The following SHANK2 variants were observed in gnomAD, a reference collection of about 807,000 sequenced individuals.
SHANK2 encodes the protein SH3 and multiple ankyrin repeat domains protein 2.
SHANK2 carries 43 observed loss-of-function variants against 133.7 expected under a neutral mutation model. That is an observed-to-expected ratio of 0.32 (90% CI 0.25 to 0.41). SHANK2 has a LOEUF of 0.41. Ranked by LOEUF, SHANK2 falls within the 10% of genes least tolerant of loss-of-function variation. The pLI, the probability that SHANK2 is intolerant of heterozygous loss-of-function variation, is 1.00. For missense variants in SHANK2, 1,994 were observed against 2,235.8 expected, an observed-to-expected ratio of 0.89 and a Z score of 2.18; for synonymous variants, 1,017 against 952.8, an observed-to-expected ratio of 1.07 and a Z score of -1.24.
At chr11:70,913,297 C>G (rs1443545717) in intron 10 of SHANK2, among the ~76,000 whole-genome samples, 2 of 145,426 alleles carry the variant, frequency 1.4e-5, no homozygotes, top group Admixed American at 6.6e-5. Context: ...ACAACTTGGA[C>G]CCTTCAGGGA....
chr11:70,799,137 C>A (rs1279978496), intron 13 of SHANK2, among the ~76,000 whole-genome samples: 2 of 151,858 alleles, frequency 1.3e-5, no homozygotes, highest in Non-Finnish European at 2.9e-5. Flanking sequence ...GTGGCTCATG[C>A]CTGTAATCCC....
intron 3 of SHANK2, among the ~76,000 whole-genome samples, chr11:71,140,755 C>T (rs1952539605): frequency 6.6e-6 from 1 of 152,216 alleles, no homozygotes; most frequent in Admixed American, 6.5e-5. Context: ...ATCTTCAGAC[C>T]CTCGCCCAAA....
Position 70,486,765 on chromosome 11 carries a change from C to T in SHANK2, c.3528G>A (p.Thr1176=), listed in dbSNP as rs1398810596. 3.1e-6 allele frequency: 5 copies of T among 1,611,382 alleles called. No individual in the cohort carries two copies. Among genetic ancestry groups the T allele is most frequent in the East Asian group, 4.5e-5 (2 of 44,868 alleles). ...PGEAGRPLNS[T]SKAQGPESSP... ...TGCTCTCGGGCCCCTGGGCTTTGGACGTGGAATTCAGCGGCCTCCCAGCCT... is the reference window on the plus strand; with the variant it reads ...TGCTCTCGGGCCCCTGGGCTTTGGATGTGGAATTCAGCGGCCTCCCAGCCT... Residue 1176 remains threonine, a synonymous_variant, in exon 25 of 26, where the codon ACG becomes ACA. Transcript: ENST00000601538. This position sits in a 1 kb window ranked among gnomAD's most constrained non-coding sequence, Gnocchi z 8.0.
At chr11:70,677,871 G>C (rs563197335) in intron 15 of SHANK2, among the ~76,000 whole-genome samples, 1 of 152,214 alleles carries the variant, frequency 6.6e-6, no homozygotes, top group Non-Finnish European at 1.5e-5. Flanking sequence ...TCTTAAGAAC[G>C]AGCTGCTTGT....
intron 17 of SHANK2, among the ~76,000 whole-genome samples, chr11:70,519,011 G>A (rs1387234678): frequency 6.6e-6 from 1 of 152,198 alleles, no homozygotes; most frequent in Non-Finnish European, 1.5e-5. Context: ...CTGGGCTCAA[G>A]CGATCCTCCC....
chr11:70,911,030 C>A, intron 10 of SHANK2: 1 of 457,086 alleles, frequency 2.2e-6, no homozygotes, highest in Non-Finnish European at 4.4e-6. Flanking sequence ...GGGGGTGCTC[C>A]TGTAAGTAAT....
In SHANK2 at chr11:70,489,318, G is replaced by A; in HGVS notation, c.2572+10C>T. 1 of 1,612,992 alleles carries A rather than the reference G, an allele frequency of 6.2e-7. No individual in the cohort carries two copies. Among genetic ancestry groups the A allele is most frequent in the Non-Finnish European group, 8.5e-7 (1 of 1,178,948 alleles). On this transcript the variant is annotated intron_variant, in intron 24 of 25. Transcript: ENST00000601538. ...CAGATTACAGATTCCAAACCGTAAGGTTCACTAACCTGATAGAAAGATTCT... is the reference window on the plus strand; with the variant it reads ...CAGATTACAGATTCCAAACCGTAAGATTCACTAACCTGATAGAAAGATTCT...
chr11:70,891,726 T>C (rs1949848772), intron 11 of SHANK2, among the ~76,000 whole-genome samples: 1 of 151,898 alleles, frequency 6.6e-6, no homozygotes, highest in Non-Finnish European at 1.5e-5. Context: ...TCGGTCTCCA[T>C]CCCCCAGGGT....
chr11:70,898,075 G>T (rs2135668825), intron 10 of SHANK2, among the ~76,000 whole-genome samples: 1 of 150,852 alleles, frequency 6.6e-6, no homozygotes, highest in Non-Finnish European at 1.5e-5. Context: ...TGATTCTTGT[G>T]CCTCAGCCTC....
intron 2 of SHANK2, among the ~76,000 whole-genome samples, chr11:71,213,047 A>T (rs782334353): frequency 9.2e-5 from 14 of 151,918 alleles, no homozygotes; most frequent in Non-Finnish European, 1.9e-4. Flanking sequence ...GAGGAGCAGG[A>T]ACCGAAAGAC....
At position 70,589,936 on chromosome 11, in the gene SHANK2, G is replaced by A. The variant is rs553019481; in HGVS notation, c.2061+69892C>T. Among the ~76,000 whole-genome samples the A allele has an allele frequency of 1.6e-4, 25 of 152,296 alleles. 1 individual carries two copies. Among genetic ancestry groups the A allele is most frequent in the African/African-American group, 5.3e-4 (22 of 41,546 alleles). On this transcript the variant is annotated intron_variant, in intron 17 of 25. Coordinates refer to ENST00000601538, the MANE Select transcript of SHANK2 (RefSeq NM_012309.5). The stretch of plus-strand genomic sequence containing the variant: ...TGGGAGGCCGAGGCAGGAGGATCAC[G>A]AGGTTAGGAGATCAAGACCATCCTG...
intron 14 of SHANK2, among the ~76,000 whole-genome samples, chr11:70,754,274 C>T (rs1248848655): frequency 1.3e-5 from 2 of 152,152 alleles, no homozygotes; most frequent in African/African-American, 2.4e-5. Flanking sequence ...ATAAGGGCAG[C>T]ATTATTCTGA....
At chr11:70,829,375 C>T (rs1948693310) in intron 11 of SHANK2, among the ~76,000 whole-genome samples, 1 of 152,062 alleles carries the variant, frequency 6.6e-6, no homozygotes, top group Non-Finnish European at 1.5e-5. Context: ...TGCATTTGCC[C>T]ACAAGCAGGA....
Position 70,807,250 on chromosome 11 carries a change from G to A in SHANK2, c.1494-79C>T, listed in dbSNP as rs1368888491. 1.5e-6 allele frequency: 1 copy of A among 681,030 alleles called. No individual in the cohort carries two copies. Among genetic ancestry groups the A allele is most frequent in the Non-Finnish European group, 2.7e-6 (1 of 376,036 alleles). The allele number at this position is 681,030 out of a possible 1,614,324, so 42.2% of individuals were successfully genotyped here. ...GCCACATGCCACAAACCACAGCCAAGCCATTCAACGCATGCTGCGCCTCGG... is the reference window on the plus strand; with the variant it reads ...GCCACATGCCACAAACCACAGCCAAACCATTCAACGCATGCTGCGCCTCGG... On this transcript the variant is annotated intron_variant, in intron 12 of 25. Transcript: ENST00000601538. This position sits in a 1 kb window ranked among gnomAD's most constrained non-coding sequence, Gnocchi z 4.8.
At chr11:70,605,299 G>A (rs1446291178) in intron 17 of SHANK2, among the ~76,000 whole-genome samples, 1 of 152,354 alleles carries the variant, frequency 6.6e-6, no homozygotes, top group East Asian at 1.9e-4. Context: ...GAGAAGTGAA[G>A]CCTCCTGCAG....
intron 14 of SHANK2, among the ~76,000 whole-genome samples, chr11:70,768,889 C>T (rs1472577400): frequency 1.3e-5 from 2 of 152,064 alleles, no homozygotes; most frequent in Non-Finnish European, 2.9e-5. Flanking sequence ...GCACCAGTGG[C>T]AGTGTCAGGT....
At chr11:70,887,324 G>A (rs1222903074) in intron 11 of SHANK2, among the ~76,000 whole-genome samples, 7 of 151,174 alleles carry the variant, frequency 4.6e-5, no homozygotes, top group African/African-American at 9.7e-5. Context: ...CACTTTCTTC[G>A]AGTTGGCAAA....
intron 8 of SHANK2, among the ~76,000 whole-genome samples, chr11:71,090,780 A>C (rs1951503189): frequency 1.3e-5 from 2 of 152,236 alleles, no homozygotes; most frequent in Admixed American, 1.3e-4. Context: ...TGGCTCATGC[A>C]ATCACGGAGG....
chr11:71,128,993 C>T (rs782756712), intron 3 of SHANK2, among the ~76,000 whole-genome samples: 7 of 152,164 alleles, frequency 4.6e-5, no homozygotes, highest in African/African-American at 1.2e-4. Flanking sequence ...CCATGTTGAC[C>T]GGGATGGTCT....
Sources: allele counts gnomAD v4.1 joint callset (sites outside exome capture counted in the v4.1 genomes callset), GRCh38; gene constraint gnomAD v4.1.1; non-coding constraint Gnocchi (gnomAD v3.1); transcripts MANE v1.5; gene names NCBI Gene and HGNC (gene_info 2026-07-23, HGNC 2026-07-21).